The following NICOL1 variants were observed in gnomAD, a reference collection of about 807,000 sequenced individuals.
The protein encoded by NICOL1 is NELL2-interacting cell ontogeny regulator 1.
At chr4:2,038,031 T>C in the NICOL1 span, among the ~76,000 whole-genome samples, 3 of 151,380 alleles carry the variant, frequency 2.0e-5, no homozygotes, top group African/African-American at 2.4e-5. Flanking sequence ...ATTGTAAATA[T>C]TTTATAATTT....
chr4:2,042,036 C>CCG, the NICOL1 span: 1 of 1,477,604 alleles, frequency 6.8e-7, no homozygotes, highest in Non-Finnish European at 8.9e-7. Flanking sequence ...GCCGGTGTCC[C>CCG]CGCGCTGCTG....
the NICOL1 span, chr4:2,042,409 C>T: frequency 2.0e-6 from 1 of 499,388 alleles, no homozygotes; most frequent in Non-Finnish European, 3.5e-6. Flanking sequence ...GCCGCTGCTG[C>T]TGCTGCTGCT....
At chr4:2,038,284 T>TATATATAA in the NICOL1 span, among the ~76,000 whole-genome samples, 1 of 114,878 alleles carries the variant, frequency 8.7e-6, no homozygotes, top group Non-Finnish European at 1.8e-5. Context: ...TATATATATA[T>TATATATAA]AAAATTAAAA....
the NICOL1 span, among the ~76,000 whole-genome samples, chr4:2,041,274 TC>T: frequency 6.6e-6 from 1 of 151,408 alleles, no homozygotes; most frequent in Non-Finnish European, 1.5e-5. Context: ...TCCCAGGGCG[TC>T]CGGGGCCCAG....
At chr4:2,036,744 T>C in the NICOL1 span, among the ~76,000 whole-genome samples, 2 of 151,318 alleles carry the variant, frequency 1.3e-5, no homozygotes, top group Admixed American at 1.3e-4. Context: ...ATATATGGAG[T>C]CGTGGGTGGG....
At chr4:2,037,391 G>C in the NICOL1 span, among the ~76,000 whole-genome samples, 1 of 152,202 alleles carries the variant, frequency 6.6e-6, no homozygotes, top group Non-Finnish European at 1.5e-5. Context: ...ACTGCGCTCA[G>C]CCAATACACT....
At chr4:2,042,055 G>C in the NICOL1 span, 3 of 1,478,604 alleles carry the variant, frequency 2.0e-6, no homozygotes, top group Non-Finnish European at 2.7e-6. Flanking sequence ...TGGTCCCGGG[G>C]TCCCTGAACC....
At chr4:2,039,603 G>A in the NICOL1 span, among the ~76,000 whole-genome samples, 21 of 152,130 alleles carry the variant, frequency 1.4e-4, no homozygotes, top group Non-Finnish European at 1.6e-4. Flanking sequence ...GGGAGGCAGA[G>A]GCAGGTGGAT....
At chr4:2,041,531 G>T in the NICOL1 span, among the ~76,000 whole-genome samples, 1 of 152,208 alleles carries the variant, frequency 6.6e-6, no homozygotes, top group South Asian at 2.1e-4. Flanking sequence ...GGATCGGGGA[G>T]AGGCTGGGCC....
the NICOL1 span, among the ~76,000 whole-genome samples, chr4:2,040,187 A>C: frequency 6.6e-6 from 1 of 152,008 alleles, no homozygotes; most frequent in African/African-American, 2.4e-5. Context: ...GCTCACTGCA[A>C]CCTCTGCCTC....
the NICOL1 span, among the ~76,000 whole-genome samples, chr4:2,040,065 C>G: frequency 6.6e-6 from 1 of 151,880 alleles, no homozygotes; most frequent in African/African-American, 2.4e-5. Flanking sequence ...GAGATGAAGA[C>G]AGTCATGGGA....
the NICOL1 span, chr4:2,042,603 C>T: frequency 7.5e-6 from 4 of 530,426 alleles, no homozygotes; most frequent in Admixed American, 4.2e-5. Flanking sequence ...GGGTCCTCCC[C>T]TTCGCGGGAG....
chr4:2,039,100 G>A, the NICOL1 span, among the ~76,000 whole-genome samples: 2 of 152,196 alleles, frequency 1.3e-5, no homozygotes, highest in South Asian at 2.1e-4. Flanking sequence ...TTGGATTCAC[G>A]AAATAGAGTC....
At chr4:2,039,366 A>G in the NICOL1 span, among the ~76,000 whole-genome samples, 30 of 151,860 alleles carry the variant, frequency 2.0e-4, no homozygotes, top group African/African-American at 6.8e-4. Flanking sequence ...GTGAGCCAAG[A>G]TTGCACCACT....
the NICOL1 span, among the ~76,000 whole-genome samples, chr4:2,041,004 A>AG: frequency 6.6e-6 from 1 of 150,918 alleles, no homozygotes; most frequent in Non-Finnish European, 1.5e-5. Context: ...TAGGCTGGGG[A>AG]GGGGGGCGCC....
the NICOL1 span, among the ~76,000 whole-genome samples, chr4:2,039,061 T>G: frequency 3.9e-5 from 6 of 152,214 alleles, no homozygotes; most frequent in Non-Finnish European, 8.8e-5. Flanking sequence ...TTTTTTTAAA[T>G]GATGGTGAGC....
chr4:2,039,042 C>G, the NICOL1 span, among the ~76,000 whole-genome samples: 1 of 152,174 alleles, frequency 6.6e-6, no homozygotes, highest in Non-Finnish European at 1.5e-5. Flanking sequence ...GAGATTTGTG[C>G]AAATTCATTT....
the NICOL1 span, chr4:2,042,725 G>C: frequency 3.3e-6 from 5 of 1,497,204 alleles, no homozygotes; most frequent in Non-Finnish European, 4.4e-6. Flanking sequence ...CCTGACCCGC[G>C]CCCCCCGCAG....
At chr4:2,042,243 G>T in the NICOL1 span, 1 of 1,264,322 alleles carries the variant, frequency 7.9e-7, no homozygotes, top group Non-Finnish European at 1.0e-6. Context: ...CTTGGACAAG[G>T]GTCGTGGGGC....
Sources: gnomAD v4.1 joint callset for allele counts (sites outside exome capture counted in the v4.1 genomes callset) on GRCh38, gnomAD v4.1.1 for gene constraint, MANE v1.5 for transcripts, NCBI Gene and HGNC (gene_info 2026-07-23, HGNC 2026-07-21) for gene names.